TMEM176A: variants seen among roughly 807,000 people sequenced by gnomAD.
The protein encoded by TMEM176A is transmembrane protein 176A.
In TMEM176A, 20 loss-of-function variants were observed where a neutral mutation model predicts 27.9. That is an observed-to-expected ratio of 0.72 (90% CI 0.50 to 1.04). The LOEUF is 1.04. Ranked by LOEUF, TMEM176A falls within the 50% of genes least tolerant of loss-of-function variation. The pLI, the probability that TMEM176A is intolerant of heterozygous loss-of-function variation, is 0.00. For synonymous variants in TMEM176A, 125 were observed against 118.0 expected (o/e 1.06, Z -0.38); for missense variants, 252 against 289.1 (o/e 0.87, Z 0.93).
Position 150,803,647 on chromosome 7 carries a change from G to C in TMEM176A, c.370G>C (p.Ala124Pro). The C allele has an allele frequency of 6.2e-7, 1 of 1,613,986 alleles. No individual in the cohort carries two copies. The highest frequency in any genetic ancestry group is 8.5e-7 in the Non-Finnish European group (1 of 1,180,032). ...WALLRTLLTL[A>P]AFSTAIAALK... ...CCTGCTGAGGACTCTGCTAACGCTG[G>C]CAGCTTTCTCCACAGCCATCGCTGC... The change falls in exon 5 of 7, where the codon GCA becomes CCA. Residue 124 changes from alanine to proline, a missense_variant. Transcript: ENST00000004103.
chr7:150,802,104 C>CT, intron 2 of TMEM176A, 111 bp from the exon 3 acceptor site: 1 of 768,042 alleles, frequency 1.3e-6, no homozygotes, highest in Non-Finnish European at 2.2e-6. Flanking sequence ...CTCTTCTCTT[C>CT]TTTCTTTCTC....
chr7:150,801,549 C>T lies in TMEM176A; in HGVS notation c.-2C>T. The T allele has an allele frequency of 6.3e-7, 1 of 1,591,210 alleles. No homozygotes were observed. The highest frequency in any genetic ancestry group is 8.5e-7 in the Non-Finnish European group (1 of 1,172,780). The stretch of plus-strand genomic sequence containing the variant: ...CCTTCCTCATAGACTGTGTCCCTGA[C>T]AATGGGAACAGCCGACAGTGATGAG... On this transcript the variant is annotated 5_prime_UTR_variant, in exon 2 of 7. Coordinates refer to ENST00000004103, the MANE Select transcript of TMEM176A (RefSeq NM_018487.3).
chr7:150,804,598 G>A, intron 6 of TMEM176A, 126 bp downstream of exon 6: 1 of 944,444 alleles, frequency 1.1e-6, no homozygotes, highest in Non-Finnish European at 1.6e-6. Context: ...CTATTATCAT[G>A]CCTGTCTTTC....
Position 150,804,614 on chromosome 7 carries a change from A to G in TMEM176A, c.666+142A>G, listed in dbSNP as rs889679662. 2.0e-5 allele frequency: 18 copies of G among 896,560 alleles called. 1 individual carries two copies. In the East Asian group the frequency reaches 3.5e-4, roughly 17 times the overall value. The allele number at this position is 896,560 out of a possible 1,614,324, so 55.5% of individuals were successfully genotyped here. ...TATTATCATGCCTGTCTTTCTACCC[A>G]GTGGTGGCCCAGCCCAGAAAGCCCC... On this transcript the variant is annotated intron_variant, in intron 6 of 6. Transcript: ENST00000004103.
chr7:150,802,906 T>C, intron 3 of TMEM176A: 1 of 988,626 alleles, frequency 1.0e-6, no homozygotes, highest in Non-Finnish European at 1.2e-6. Context: ...AATTACAGAA[T>C]TAGCCAAACA....
At position 150,804,242 on chromosome 7, in the gene TMEM176A, A is replaced by C. The variant is rs1045401175; in HGVS notation, c.556-120A>C. The stretch of plus-strand genomic sequence containing the variant: ...CATTGAATGCATTGACTTCCCCTCC[A>C]GAAGCCACGAACTTGGAGATAAAGG... On this transcript the variant is annotated intron_variant, in intron 5 of 6. Transcript: ENST00000004103. 18 of 768,800 alleles carry C rather than the reference A, an allele frequency of 2.3e-5. No homozygotes were observed. In the African/African-American group the frequency reaches 2.6e-4, roughly 11 times the overall value. 47.6% of individuals were successfully genotyped at this position (768,800 alleles called of 1,614,324 possible).
chr7:150,800,908 G>C, intron 1 of TMEM176A, 80 bp downstream of exon 1: 1 of 985,674 alleles, frequency 1.0e-6, no homozygotes, highest in Non-Finnish European at 1.2e-6. Flanking sequence ...AGTTGGAGGA[G>C]CGTAGGAGGG....
chr7:150,802,452 T>C, intron 3 of TMEM176A, 127 bp downstream of exon 3: 1 of 868,834 alleles, frequency 1.2e-6, no homozygotes. Context: ...CTAGGACCAT[T>C]CCCTGCCTGT....
chr7:150,802,099 C>T, intron 2 of TMEM176A, 116 bp from the exon 3 acceptor site: 1 of 742,102 alleles, frequency 1.3e-6, no homozygotes, highest in Non-Finnish European at 2.3e-6. Context: ...CTCTTCTCTT[C>T]TCTTCTTTCT....
At chr7:150,802,167 G>T in intron 2 of TMEM176A, 48 bp from the exon 3 acceptor site, 1 of 1,513,680 alleles carries the variant, frequency 6.6e-7, no homozygotes, top group Non-Finnish European at 9.2e-7. Flanking sequence ...AATCCCTGCA[G>T]TGGCAGGTCC....
rs1420017900 is a variant in TMEM176A, at chr7:150,804,366, TG to T, written c.561del (p.Leu187PhefsTer21). The T allele has an allele frequency of 6.2e-7, 1 of 1,613,898 alleles. No individual in the cohort carries two copies. On this transcript the variant is annotated frameshift_variant, in exon 6 of 7. Transcript: ENST00000004103. LOFTEE classifies it high-confidence loss of function. ...CTSFMDMLKA[L>X]FRTLQAMLLG... ...GCCTTGGCCCTCTGTCCCCAGGCCT[TG>T]TTCAGAACCCTTCAGGCCATGCTCT...
Position 150,804,962 on chromosome 7 carries a change from C to A in TMEM176A, c.*94C>A. ...GAAGAACCAGACTGAGGAAAAGAGG[C>A]TCTTCAACAGCCCCAGTTATCCTGG... On this transcript the variant is annotated 3_prime_UTR_variant, in exon 7 of 7. Coordinates refer to ENST00000004103, the MANE Select transcript of TMEM176A (RefSeq NM_018487.3). 7.4e-7 allele frequency: 1 copy of A among 1,343,142 alleles called. No homozygotes were observed. Among genetic ancestry groups the A allele is most frequent in the Non-Finnish European group, 1.1e-6 (1 of 935,980 alleles). 83.2% of individuals were successfully genotyped at this position (1,343,142 alleles called of 1,614,324 possible).
intron 2 of TMEM176A, 41 bp from the exon 3 acceptor site, chr7:150,802,174 G>T (rs770112552): frequency 1.3e-6 from 2 of 1,568,652 alleles, no homozygotes; most frequent in Non-Finnish European, 8.8e-7. Flanking sequence ...GCAGTGGCAG[G>T]TCCACCTAGG....
At position 150,801,890 on chromosome 7, in the gene TMEM176A, G is replaced by A. The variant is rs1187477193; in HGVS notation, c.174+166G>A. 5.2e-6 allele frequency: 4 copies of A among 763,548 alleles called. No individual in the cohort carries two copies. In the East Asian group the frequency reaches 8.1e-5, roughly 16 times the overall value. 47.3% of individuals were successfully genotyped at this position (763,548 alleles called of 1,614,324 possible). A position where few individuals can be genotyped will look rare whatever the true frequency, so the allele number is the denominator to read the frequency against. ...TCTCAGTAAGAGCCTGGGGAGGGGA[G>A]GCTCTGGGCTGAAGGGGTGTGGAGG... On this transcript the variant is annotated intron_variant, in intron 2 of 6. Transcript: ENST00000004103.
At position 150,803,415 on chromosome 7, in the gene TMEM176A, G is replaced by T. The variant is rs1177044238; in HGVS notation, c.301G>T (p.Ala101Ser). 6.3e-7 allele frequency: 1 copy of T among 1,592,014 alleles called. No homozygotes were observed. The highest frequency in any genetic ancestry group is 8.5e-7 in the Non-Finnish European group (1 of 1,170,498). Residue 101 changes from alanine to serine, a missense_variant, in exon 4 of 7, where the codon GCT becomes TCT. By Grantham distance (99) the Ala-to-Ser change is moderately conservative (BLOSUM62 1). Transcript: ENST00000004103. Reference sequence around the variant, plus strand: ...CTCTCCCCAGGCTGTGCTGGCTGGAGCTGCTGCCTTCATTTACGAGAAACG... The same window carrying T: ...CTCTCCCCAGGCTGTGCTGGCTGGATCTGCTGCCTTCATTTACGAGAAACG... ...WTGAVAVLAG[A>S]AAFIYEKRGG...
intron 6 of TMEM176A, 42 bp downstream of exon 6, chr7:150,804,514 A>C: frequency 6.5e-7 from 1 of 1,530,730 alleles, no homozygotes; most frequent in South Asian, 1.1e-5. Flanking sequence ...GGGGCAGTGG[A>C]ACTGCTCAAA....
At chr7:150,801,963 C>A in intron 2 of TMEM176A, 1 of 620,470 alleles carries the variant, frequency 1.6e-6, no homozygotes, top group East Asian at 2.7e-5. Flanking sequence ...TGAGTCCATC[C>A]TTTCCTCTGG....
intron 5 of TMEM176A, among the ~76,000 whole-genome samples, chr7:150,804,044 T>C (rs753190132): frequency 6.6e-6 from 1 of 152,166 alleles, no homozygotes; most frequent in Non-Finnish European, 1.5e-5. Flanking sequence ...AAAATAATAA[T>C]AAATGAACCA....
At chr7:150,802,366 G>C (rs1411699313) in intron 3 of TMEM176A, 41 bp downstream of exon 3, 1 of 1,546,778 alleles carries the variant, frequency 6.5e-7, no homozygotes, top group East Asian at 2.2e-5. Flanking sequence ...TGTGAGAGGG[G>C]TGGGGCATTG....
Sources: allele counts gnomAD v4.1 joint callset (sites outside exome capture counted in the v4.1 genomes callset), GRCh38; gene constraint gnomAD v4.1.1; transcripts MANE v1.5; gene names NCBI Gene and HGNC (gene_info 2026-07-23, HGNC 2026-07-21).